The following TET3 variants were observed in gnomAD, a reference collection of about 807,000 sequenced individuals.
TET3 encodes tet methylcytosine dioxygenase 3.
In TET3, 19 loss-of-function variants were observed where a neutral mutation model predicts 141.4. That is an observed-to-expected ratio of 0.13 (90% CI 0.09 to 0.20). TET3 has a LOEUF of 0.20. Ranked by LOEUF, TET3 falls within the 10% of genes least tolerant of loss-of-function variation. The probability of loss-of-function intolerance (pLI) is 1.00; values close to 1 mark genes in which losing one functional copy is unlikely to be tolerated. For missense variants in TET3, 1,874 were observed against 2,356.9 expected, an observed-to-expected ratio of 0.80 and a Z score of 4.24; for synonymous variants, 1,043 against 980.9, an observed-to-expected ratio of 1.06 and a Z score of -1.18.
chr2:74,082,635 G>A (rs1225578564), intron 6 of TET3, among the ~76,000 whole-genome samples: 1 of 152,246 alleles, frequency 6.6e-6, no homozygotes, highest in Non-Finnish European at 1.5e-5. Context: ...GAAAACGGCA[G>A]TGCTGAGGGC....
At chr2:74,123,412 A>G in the TET3 span, among the ~76,000 whole-genome samples, 1 of 152,206 alleles carries the variant, frequency 6.6e-6, no homozygotes, top group African/African-American at 2.4e-5. Flanking sequence ...AGTTCAGGAG[A>G]TCAACACCAT....
chr2:74,073,963 A>G (rs763608321), intron 5 of TET3: 29 of 186,498 alleles, frequency 1.6e-4, no homozygotes, highest in Non-Finnish European at 2.2e-4. Flanking sequence ...TGGTATCATT[A>G]AAAGTGTTTA....
intron 2 of TET3, 96 bp from the exon 3 acceptor site, chr2:74,003,014 T>C (rs1289845162): frequency 1.2e-5 from 17 of 1,390,414 alleles, no homozygotes; most frequent in Non-Finnish European, 1.7e-5. Flanking sequence ...CCGTTCGCCT[T>C]CTTCCCCTCC....
At chr2:74,124,078 C>T in the TET3 span, among the ~76,000 whole-genome samples, 5 of 140,052 alleles carry the variant, frequency 3.6e-5, no homozygotes, top group Admixed American at 2.8e-4. Context: ...GCCCCATCTG[C>T]GAAGTGAGGA....
chr2:74,076,608 C>G (rs1288286245), intron 5 of TET3, among the ~76,000 whole-genome samples: 1 of 141,862 alleles, frequency 7.0e-6, no homozygotes, highest in Non-Finnish European at 1.5e-5. Flanking sequence ...ACCAGCATAC[C>G]TTTTTTTTTT....
At chr2:74,036,246 G>C (rs1035722437) in intron 3 of TET3, among the ~76,000 whole-genome samples, 1 of 152,172 alleles carries the variant, frequency 6.6e-6, no homozygotes, top group Non-Finnish European at 1.5e-5. Context: ...AGTAAGTGGT[G>C]GGGCCACGAT....
intron 2 of TET3, among the ~76,000 whole-genome samples, chr2:73,991,105 G>A (rs556810153): frequency 3.3e-5 from 5 of 151,798 alleles, no homozygotes; most frequent in South Asian, 4.2e-4. Context: ...CACCGTGCCC[G>A]GCCCTTGGTG....
intron 3 of TET3, among the ~76,000 whole-genome samples, chr2:74,026,199 A>G (rs13027050): frequency 0.074 from 10,389 of 141,204 alleles, 414 homozygotes; most frequent in African/African-American, 0.11. Context: ...GATGGAGGCC[A>G]TCGCTGGGGG....
chr2:74,036,182 G>A (rs371339411), intron 3 of TET3, among the ~76,000 whole-genome samples: 2 of 152,258 alleles, frequency 1.3e-5, no homozygotes, highest in East Asian at 1.9e-4. Context: ...CAATTTACAG[G>A]TGACAAAACA....
rs1691219579 is a variant in TET3 at position 74,101,586 on chromosome 2, G to A, written c.4798G>A (p.Glu1600Lys). Residue 1600 changes from glutamate to lysine, a missense_variant, in exon 12 of 12, where the codon GAG (glutamate) becomes AAG (lysine). By Grantham distance (56) the Glu-to-Lys change is moderately conservative. Transcript: ENST00000409262. This position sits in a 1 kb window ranked among gnomAD's most constrained non-coding sequence, Gnocchi z 8.5. ...GCTGTTTGGGGCTCTGAAGTCAGAG[G>A]AGAAGCTGTGGGACCCCTTCAGCCT... is the stretch of plus-strand genomic sequence containing the variant. ...EKLFGALKSE[E>K]KLWDPFSLEE... is the part of the protein sequence containing the mutation. 5 of 1,609,772 alleles carry A rather than the reference G, an allele frequency of 3.1e-6. No individual in the cohort carries two copies. The highest frequency in any genetic ancestry group is 2.5e-6 in the Non-Finnish European group (3 of 1,178,024).
At position 74,046,767 on chromosome 2, in the gene TET3, G is replaced by A. The variant is rs771078078; in HGVS notation, c.850G>A (p.Glu284Lys). 1.6e-5 allele frequency: 26 copies of A among 1,613,744 alleles called. No individual in the cohort carries two copies. The South Asian group carries it at 2.5e-4, about 16-fold the overall frequency. The change falls in exon 4 of 12, where the codon GAG (glutamate) becomes AAG (lysine). Residue 284 changes from glutamate to lysine, a missense_variant. Physicochemically the swap from Glu to Lys is moderately conservative, Grantham distance 56 (BLOSUM62 1). Transcript: ENST00000409262. This position sits in a 1 kb window ranked among gnomAD's most constrained non-coding sequence, Gnocchi z 4.3. Reference sequence around the variant, plus strand: ...TGGCCCAGAATGCCCTGACTACCTCGAGTGGCTGGAGGGGAAGATCAAGTC... The same window carrying A: ...TGGCCCAGAATGCCCTGACTACCTCAAGTGGCTGGAGGGGAAGATCAAGTC... ...CDGPECPDYL[E>K]WLEGKIKSVV... is the part of the protein sequence containing the mutation.
At chr2:74,059,996 T>C (rs551157042) in intron 4 of TET3, among the ~76,000 whole-genome samples, 3 of 152,366 alleles carry the variant, frequency 2.0e-5, no homozygotes, top group African/African-American at 4.8e-5. Context: ...GACATTCTTA[T>C]ACCTGTCTCT....
At chr2:74,100,349 T>C (rs373888666) in intron 11 of TET3, 44 bp from the exon 12 acceptor site, 19 of 1,536,542 alleles carry the variant, frequency 1.2e-5, no homozygotes, top group Non-Finnish European at 1.7e-5. Flanking sequence ...CTCCAGGCTG[T>C]GGTGTTGTCT....
the TET3 span, among the ~76,000 whole-genome samples, chr2:74,133,848 G>A: frequency 2.6e-5 from 4 of 152,144 alleles, no homozygotes; most frequent in African/African-American, 4.8e-5. Flanking sequence ...GGGTTCAAGC[G>A]ATTCTCCTGC....
chr2:73,985,482 C>T (rs951957266), intron 1 of TET3, among the ~76,000 whole-genome samples: 6 of 145,116 alleles, frequency 4.1e-5, no homozygotes, highest in South Asian at 2.1e-4. Context: ...CGCGGGCCGC[C>T]CTCCCCAGTC....
chr2:74,027,504 C>G (rs939274097), intron 3 of TET3, among the ~76,000 whole-genome samples: 1 of 152,102 alleles, frequency 6.6e-6, no homozygotes, highest in East Asian at 1.9e-4. Context: ...AACCCTGTGG[C>G]AAATAGCATT....
At chr2:74,096,218 G>C (rs564337265) in intron 10 of TET3, among the ~76,000 whole-genome samples, 1 of 152,260 alleles carries the variant, frequency 6.6e-6, no homozygotes, top group Non-Finnish European at 1.5e-5. Context: ...TAGGAAGCAG[G>C]GCTGGGGCTG....
chr2:74,065,638 C>CCT (rs70965782), intron 4 of TET3, among the ~76,000 whole-genome samples: 3 of 147,922 alleles, frequency 2.0e-5, no homozygotes, highest in African/African-American at 5.0e-5. Flanking sequence ...TTCCTTCCTT[C>CCT]TCTTTCTCTC....
the TET3 span, among the ~76,000 whole-genome samples, chr2:74,128,077 C>G: frequency 3.4e-3 from 516 of 152,308 alleles, no homozygotes; most frequent in African/African-American, 0.012. Context: ...GAAGCCTTCT[C>G]TAACCTTGTT....
Sources: gnomAD v4.1 joint callset for allele counts (sites outside exome capture counted in the v4.1 genomes callset) on GRCh38, gnomAD v4.1.1 for gene constraint, Gnocchi (gnomAD v3.1) non-coding constraint, MANE v1.5 for transcripts, NCBI Gene and HGNC (gene_info 2026-07-23, HGNC 2026-07-21) for gene names.